Variants in NEGR1 observed in about 807,000 individuals in gnomAD.
NEGR1 encodes the protein neuronal growth regulator 1, also known as IgLON family member 4.
Under a neutral mutation model 40.9 loss-of-function variants are expected in NEGR1, and 10 were observed. The observed-to-expected ratio is 0.24, with a 90% CI of 0.15 to 0.42. The LOEUF (loss-of-function observed/expected upper bound fraction) is 0.42, where lower values mean the gene tolerates loss of function less well. NEGR1 is among the 10% of genes least tolerant of loss of function. NEGR1 has a pLI of 1.00. For missense variants in NEGR1, 352 were observed against 438.9 expected (o/e 0.80, Z 1.77); for synonymous variants, 185 against 166.8 (o/e 1.11, Z -0.84).
rs1411020288 is a variant in NEGR1, at chr1:71,398,051, C to T, written c.*9395G>A. The T allele has an allele frequency of 1.3e-5, 2 of 152,154 alleles. No homozygotes were observed. Among genetic ancestry groups the T allele is most frequent in the Admixed American group, 1.3e-4 (2 of 15,270 alleles). The allele number at this position is 152,154 out of a possible 1,614,324, so 9.4% of individuals were successfully genotyped here. On this transcript the variant is annotated 3_prime_UTR_variant, in exon 7 of 7. Coordinates refer to ENST00000357731, the MANE Select transcript of NEGR1 (RefSeq NM_173808.3). ...GTTGAGCCTGTGGGTGCATGGAAGT[C>T]AAAAATTGAGGCTTGGAAACCACCA...
chr1:71,990,342 C>T (rs1008670097), intron 1 of NEGR1, among the ~76,000 whole-genome samples: 1 of 152,092 alleles, frequency 6.6e-6, no homozygotes, highest in South Asian at 2.1e-4. Context: ...AGCAAAAATA[C>T]TGCTCTTTTC....
intron 3 of NEGR1, among the ~76,000 whole-genome samples, chr1:71,743,674 T>C (rs1486425614): frequency 6.6e-6 from 1 of 152,080 alleles, no homozygotes; most frequent in African/African-American, 2.4e-5. Context: ...CTCCAAAGGG[T>C]CAAATCTTTC....
intron 1 of NEGR1, among the ~76,000 whole-genome samples, chr1:71,980,106 T>C (rs2100337094): frequency 6.6e-6 from 1 of 152,268 alleles, no homozygotes; most frequent in Non-Finnish European, 1.5e-5. Context: ...ACGTGCATGC[T>C]ATTTAGAAAA....
chr1:72,138,131 G>C (rs955059340), intron 1 of NEGR1, among the ~76,000 whole-genome samples: 2 of 152,094 alleles, frequency 1.3e-5, no homozygotes, highest in African/African-American at 4.8e-5. Context: ...ATAAGGAGGA[G>C]TAGAAAGGGT....
chr1:71,586,515 A>G (rs1397640259), intron 6 of NEGR1, among the ~76,000 whole-genome samples: 1 of 152,176 alleles, frequency 6.6e-6, no homozygotes, highest in Non-Finnish European at 1.5e-5. Flanking sequence ...AAAATCTGAG[A>G]CATCTTCTAG....
intron 1 of NEGR1, chr1:72,274,663 G>A (rs1391496504): frequency 2.3e-6 from 2 of 887,630 alleles, no homozygotes; most frequent in African/African-American, 1.6e-5. Context: ...TGCTATTTAT[G>A]GAGGTACCTA....
intron 3 of NEGR1, among the ~76,000 whole-genome samples, chr1:71,752,375 G>C (rs1339365439): frequency 6.6e-6 from 1 of 152,128 alleles, no homozygotes; most frequent in African/African-American, 2.4e-5. Flanking sequence ...TACAAAAATA[G>C]GTAGGGAAAG....
In NEGR1 at chr1:71,650,943, G is replaced by GT. The variant is rs1343462875; in HGVS notation, c.668-39798dup. On this transcript the variant is annotated intron_variant, in intron 4 of 6. Coordinates refer to ENST00000357731, the MANE Select transcript of NEGR1 (RefSeq NM_173808.3). Reference sequence around the variant, plus strand: ...TTTTTCTGAGGGAGATACTAACATTGTTTACCTACCATATACCTAACTCAG... The same window carrying GT: ...TTTTTCTGAGGGAGATACTAACATTGTTTTACCTACCATATACCTAACTCAG... Among the ~76,000 whole-genome samples, 4 of 152,092 alleles carry GT rather than the reference G, an allele frequency of 2.6e-5. No individual in the cohort carries two copies. The South Asian group carries it at 8.3e-4, about 32-fold the overall frequency.
chr1:71,562,870 T>C (rs1004826922), intron 6 of NEGR1, among the ~76,000 whole-genome samples: 1 of 151,998 alleles, frequency 6.6e-6, no homozygotes, highest in Non-Finnish European at 1.5e-5. Flanking sequence ...CAGATTCATA[T>C]CACTTACCTG....
At chr1:72,263,660 G>T (rs1043011275) in intron 1 of NEGR1, among the ~76,000 whole-genome samples, 4 of 151,492 alleles carry the variant, frequency 2.6e-5, no homozygotes, top group African/African-American at 9.7e-5. Context: ...AGAATTTTTA[G>T]AATCTAAAGT....
At chr1:71,500,609 T>G (rs886664045) in intron 6 of NEGR1, among the ~76,000 whole-genome samples, 3 of 152,072 alleles carry the variant, frequency 2.0e-5, no homozygotes, top group Non-Finnish European at 2.9e-5. Context: ...TATCATTACA[T>G]TAAAAAGTTA....
chr1:72,145,410 T>C (rs1050771271), intron 1 of NEGR1, among the ~76,000 whole-genome samples: 10 of 152,166 alleles, frequency 6.6e-5, no homozygotes, highest in African/African-American at 1.4e-4. Flanking sequence ...TTTTTGTTAC[T>C]TGTGAACACT....
intron 1 of NEGR1, among the ~76,000 whole-genome samples, chr1:72,126,867 C>G (rs1650042474): frequency 6.6e-6 from 1 of 152,172 alleles, no homozygotes; most frequent in Non-Finnish European, 1.5e-5. Flanking sequence ...AACTGAGGAT[C>G]CCACAACTTA....
chr1:71,998,218 A>C (rs1205574646), intron 1 of NEGR1, among the ~76,000 whole-genome samples: 1 of 151,864 alleles, frequency 6.6e-6, no homozygotes, highest in African/African-American at 2.4e-5. Flanking sequence ...CTTATCTCAA[A>C]GGTTTTGTGA....
intron 2 of NEGR1, among the ~76,000 whole-genome samples, chr1:71,887,995 AC>A (rs1292696261): frequency 1.9e-4 from 2 of 10,340 alleles, no homozygotes; most frequent in African/African-American, 1.2e-3. Flanking sequence ...TTGAAAGGAC[AC>A]ACACACACAC....
At chr1:71,897,581 A>G (rs1661007799) in intron 2 of NEGR1, among the ~76,000 whole-genome samples, 1 of 152,246 alleles carries the variant, frequency 6.6e-6, no homozygotes, top group Non-Finnish European at 1.5e-5. Flanking sequence ...AAAGAAAGAG[A>G]AAAACGTAGT....
chr1:71,649,108 A>G (rs1293177156), intron 4 of NEGR1, among the ~76,000 whole-genome samples: 1 of 152,070 alleles, frequency 6.6e-6, no homozygotes, highest in Non-Finnish European at 1.5e-5. Flanking sequence ...AAAAATGTCC[A>G]GTTTTACTTT....
At chr1:72,174,110 A>T (rs1173684562) in intron 1 of NEGR1, among the ~76,000 whole-genome samples, 3 of 152,044 alleles carry the variant, frequency 2.0e-5, no homozygotes, top group African/African-American at 7.2e-5. Context: ...TGTCAATTTT[A>T]TTTATGCTTT....
chr1:71,714,919 G>A (rs574877211), intron 3 of NEGR1, among the ~76,000 whole-genome samples: 1 of 152,272 alleles, frequency 6.6e-6, no homozygotes, highest in Admixed American at 6.5e-5. Flanking sequence ...CATTAGGCAG[G>A]GCCCCACTGA....
Sources: allele counts gnomAD v4.1 joint callset (sites outside exome capture counted in the v4.1 genomes callset), GRCh38; gene constraint gnomAD v4.1.1; transcripts MANE v1.5; gene names NCBI Gene and HGNC (gene_info 2026-07-23, HGNC 2026-07-21).